PTPN14: variants seen among roughly 807,000 people sequenced by gnomAD.
PTPN14 encodes tyrosine-protein phosphatase non-receptor type 14.
PTPN14 carries 53 observed loss-of-function variants against 126.8 expected under a neutral mutation model. The observed-to-expected ratio is 0.42, with a 90% CI of 0.34 to 0.53. PTPN14 has a LOEUF of 0.53. Among genes scored for constraint, PTPN14 ranks in the 20% least tolerant of loss-of-function variants. PTPN14 has a pLI of 0.08. For missense variants in PTPN14, 1,257 were observed against 1,552.9 expected, an observed-to-expected ratio of 0.81 and a Z score of 3.20; for synonymous variants, 630 against 599.3, an observed-to-expected ratio of 1.05 and a Z score of -0.75.
chr1:214,373,276 A>T (rs1342370444), intron 15 of PTPN14, among the ~76,000 whole-genome samples: 2 of 151,310 alleles, frequency 1.3e-5, no homozygotes, highest in Admixed American at 6.6e-5. Flanking sequence ...CTGGTCTTGA[A>T]CTCCTGACTT....
chr1:214,388,750 C>G (rs1190363175), intron 11 of PTPN14, among the ~76,000 whole-genome samples: 1 of 152,140 alleles, frequency 6.6e-6, no homozygotes, highest in Non-Finnish European at 1.5e-5. Context: ...TTAAAGGTTA[C>G]TATTTTGAGA....
Position 214,369,676 on chromosome 1 carries a change from T to G in PTPN14, c.3052A>C (p.Lys1018Gln). Residue 1018 changes from lysine (K) to glutamine (Q), a missense_variant, in exon 17 of 19, where the codon AAA (lysine) becomes CAA (glutamine). Physicochemically the swap from Lys to Gln is moderately conservative, Grantham distance 53. Around this residue, in one of 3 missense-constraint regions of PTPN14, gnomAD observed 171 missense variants for 229.8 expected, o/e 0.74. Transcript: ENST00000366956. ...AGTTTGGGCCAGTATCGGTGGCTTT[T>G]GGTTCGTCCACCCTCCTAAATCACA... Reference protein sequence around the residue: ...VTAEEEGGRTKSHRYWPKLGS... With the variant: ...VTAEEEGGRTQSHRYWPKLGS... 6.2e-7 allele frequency: 1 copy of G among 1,614,196 alleles called. No homozygotes were observed.
At position 214,551,301 on chromosome 1, in the gene PTPN14, A is replaced by C. The variant is rs1656106003; in HGVS notation, c.-273T>G. 1 of 152,446 alleles carries C rather than the reference A, an allele frequency of 6.6e-6. No homozygotes were observed. Among genetic ancestry groups the C allele is most frequent in the South Asian group, 2.1e-4 (1 of 4,832 alleles). The allele number at this position is 152,446 out of a possible 1,614,324, so 9.4% of individuals were successfully genotyped here. On this transcript the variant is annotated 5_prime_UTR_variant, in exon 1 of 19. Transcript: ENST00000366956. ...TGACTGGCGGAGGAGGGGCGAAGGG[A>C]AGGAGCCGCAGGAGGCGAAAGGGGA... is the stretch of plus-strand genomic sequence containing the variant.
intron 1 of PTPN14, among the ~76,000 whole-genome samples, chr1:214,492,875 G>C (rs1235331266): frequency 6.6e-6 from 1 of 150,610 alleles, no homozygotes; most frequent in East Asian, 1.9e-4. Context: ...TCCAGCCCGG[G>C]CAAGAGAACA....
chr1:214,383,567 G>A lies in PTPN14; in HGVS notation c.2288C>T (p.Ala763Val), dbSNP rs368227298. The A allele has an allele frequency of 9.9e-6, 16 of 1,613,702 alleles. No homozygotes were observed. In the African/African-American group the frequency reaches 1.9e-4, roughly 19 times the overall value. The stretch of plus-strand genomic sequence containing the variant: ...AAGGCTGGCTTGGTCCTGCCTCAGA[G>A]CCCCATTGCTCACACTCTTCCTTGG... The part of the protein sequence containing the change: ...PGPRKSVSNG[A>V]LRQDQASLPP... The change falls in exon 13 of 19, where the codon GCT becomes GTT. Residue 763 changes from alanine to valine, a missense_variant. Coordinates refer to ENST00000366956, the MANE Select transcript of PTPN14 (RefSeq NM_005401.5). This position sits in a 1 kb window ranked among gnomAD's most constrained non-coding sequence, Gnocchi z 4.4.
At chr1:214,486,160 G>T (rs1165409147) in intron 1 of PTPN14, among the ~76,000 whole-genome samples, 1 of 152,156 alleles carries the variant, frequency 6.6e-6, no homozygotes, top group Non-Finnish European at 1.5e-5. Flanking sequence ...AAATGTTCAT[G>T]TCCCAAAACC....
intron 1 of PTPN14, among the ~76,000 whole-genome samples, chr1:214,470,530 C>T (rs61819618): frequency 0.091 from 13,768 of 152,112 alleles, 635 homozygotes; most frequent in South Asian, 0.12. Context: ...GGCCTGTAAT[C>T]CCAACACTTT....
chr1:214,416,592 G>A (rs1303170691), intron 3 of PTPN14, among the ~76,000 whole-genome samples: 1 of 152,198 alleles, frequency 6.6e-6, no homozygotes, highest in Non-Finnish European at 1.5e-5. Flanking sequence ...TGTAGGTTGG[G>A]TGTAGGATTT....
chr1:214,504,088 C>T (rs1048483018), intron 1 of PTPN14, among the ~76,000 whole-genome samples: 1 of 152,130 alleles, frequency 6.6e-6, no homozygotes. Context: ...CCATTCCTCC[C>T]CAACTAGTAA....
chr1:214,524,352 G>C (rs569839057), intron 1 of PTPN14, among the ~76,000 whole-genome samples: 32 of 152,136 alleles, frequency 2.1e-4, no homozygotes, highest in African/African-American at 7.5e-4. Flanking sequence ...CACGTATCAA[G>C]GCAGTAAAAG....
intron 4 of PTPN14, among the ~76,000 whole-genome samples, chr1:214,413,988 C>T (rs1659368317): frequency 6.7e-6 from 1 of 149,736 alleles, no homozygotes; most frequent in African/African-American, 2.6e-5. Flanking sequence ...TCAATATGGC[C>T]TATCTTGCTT....
At chr1:214,432,438 T>C (rs1659817170) in intron 3 of PTPN14, among the ~76,000 whole-genome samples, 1 of 152,222 alleles carries the variant, frequency 6.6e-6, no homozygotes, top group African/African-American at 2.4e-5. Flanking sequence ...CTAACTAGCA[T>C]ATGCATATTC....
intron 3 of PTPN14, among the ~76,000 whole-genome samples, chr1:214,416,754 A>G (rs1310678391): frequency 3.9e-5 from 6 of 152,214 alleles, no homozygotes; most frequent in Non-Finnish European, 8.8e-5. Context: ...ACGAGAATGA[A>G]ATTCAAACCA....
intron 1 of PTPN14, among the ~76,000 whole-genome samples, chr1:214,539,205 A>G (rs1463372760): frequency 6.6e-6 from 1 of 152,224 alleles, no homozygotes; most frequent in Non-Finnish European, 1.5e-5. Context: ...TTCTAAACCA[A>G]GATTTCTCTG....
chr1:214,472,536 T>C (rs577627579), intron 1 of PTPN14, among the ~76,000 whole-genome samples: 17 of 152,348 alleles, frequency 1.1e-4, no homozygotes, highest in Non-Finnish European at 2.2e-4. Context: ...ACAGTCATTA[T>C]GAAGAAAGAA....
intron 3 of PTPN14, among the ~76,000 whole-genome samples, chr1:214,427,666 A>G (rs1161257687): frequency 6.6e-6 from 1 of 152,174 alleles, no homozygotes; most frequent in Non-Finnish European, 1.5e-5. Flanking sequence ...ACAAGCAAAA[A>G]TCAAGTAAAT....
In PTPN14 at chr1:214,383,587, C is replaced by T; in HGVS notation, c.2268G>A (p.Arg756=). Residue 756 remains arginine (R), a synonymous_variant, in exon 13 of 19, where the codon AGG becomes AGA. Coordinates refer to ENST00000366956, the MANE Select transcript of PTPN14 (RefSeq NM_005401.5). The surrounding 1 kb of genome is among the most constrained non-coding windows in gnomAD (Gnocchi z 4.4). ...TCAGAGCCCCATTGCTCACACTCTT[C>T]CTTGGACCGGGGTACTCAGGCGGGG... is the stretch of plus-strand genomic sequence containing the variant. ...NKPPPEYPGP[R]KSVSNGALRQ... 1 of 1,613,702 alleles carries T rather than the reference C, an allele frequency of 6.2e-7. No homozygotes were observed. Among genetic ancestry groups the T allele is most frequent in the South Asian group, 1.1e-5 (1 of 91,074 alleles).
chr1:214,532,626 C>T (rs1655582856), intron 1 of PTPN14: 1 of 891,564 alleles, frequency 1.1e-6, no homozygotes, highest in African/African-American at 1.6e-5. Context: ...TGGACAATGC[C>T]TGCATCGTTC....
chr1:214,390,914 TC>T (rs1223263044), intron 11 of PTPN14, 73 bp downstream of exon 11: 12 of 1,256,346 alleles, frequency 9.6e-6, no homozygotes, highest in South Asian at 4.0e-5. Context: ...GCCCTCATCA[TC>T]CCCCCACCTC....
Sources: allele counts gnomAD v4.1 joint callset (sites outside exome capture counted in the v4.1 genomes callset), GRCh38; gene constraint gnomAD v4.1.1; regional missense constraint gnomAD v4.1.1; non-coding constraint Gnocchi (gnomAD v3.1); transcripts MANE v1.5; gene names NCBI Gene and HGNC (gene_info 2026-07-23, HGNC 2026-07-21).